Variants in ATP6V1H observed in about 807,000 individuals in gnomAD.
The protein encoded by ATP6V1H is ATPase H+ transporting V1 subunit H.
ATP6V1H carries 39 observed loss-of-function variants against 71.7 expected under a neutral mutation model. The ratio of observed to expected loss-of-function variants is 0.54; its 90% CI spans 0.42 to 0.71. The LOEUF (loss-of-function observed/expected upper bound fraction) is 0.71, where lower values mean the gene tolerates loss of function less well. Among genes scored for constraint, ATP6V1H ranks in the 30% least tolerant of loss-of-function variants. The probability of loss-of-function intolerance (pLI) is 0.00; values close to 1 mark genes in which losing one functional copy is unlikely to be tolerated. For synonymous variants in ATP6V1H, 192 were observed against 199.3 expected, an observed-to-expected ratio of 0.96 and a Z score of 0.31; for missense variants, 509 against 594.9, an observed-to-expected ratio of 0.86 and a Z score of 1.50.
chr8:53,819,580 AT>A lies in ATP6V1H; in HGVS notation c.307-2051del, dbSNP rs1394831692. On this transcript the variant is annotated intron_variant, in intron 4 of 13. Coordinates refer to ENST00000359530, the MANE Select transcript of ATP6V1H (RefSeq NM_015941.4). ...TATATATATATATATATATATATAT[AT>A]ATATAAAATACACACACATACACAC... Among the ~76,000 whole-genome samples, 259 of 126,914 alleles carry A rather than the reference AT, an allele frequency of 2.0e-3. 26 individuals carry two copies. Among genetic ancestry groups the A allele is most frequent in the East Asian group, 3.7e-3 (16 of 4,322 alleles). The allele number at this position is 126,914 out of a possible 152,430, so 83.3% of individuals were successfully genotyped here.
chr8:53,819,820 A>G (rs936088285), intron 4 of ATP6V1H, among the ~76,000 whole-genome samples: 3 of 146,674 alleles, frequency 2.0e-5, no homozygotes, highest in Middle Eastern at 3.6e-3. Context: ...GTGTGTGTGT[A>G]TATATATACA....
intron 9 of ATP6V1H, among the ~76,000 whole-genome samples, chr8:53,790,409 C>G (rs1237265393): frequency 6.6e-6 from 1 of 152,118 alleles, no homozygotes; most frequent in African/African-American, 2.4e-5. Context: ...GCCCTGGTGC[C>G]AACAACCACC....
chr8:53,814,741 G>T lies in ATP6V1H; in HGVS notation c.446C>A (p.Ala149Glu), dbSNP rs373886277. 1.9e-6 allele frequency: 3 copies of T among 1,611,334 alleles called. No individual in the cohort carries two copies. Among genetic ancestry groups the T allele is most frequent in the Non-Finnish European group, 2.5e-6 (3 of 1,178,704 alleles). Reference protein sequence around the residue: ...HMAARIIAKLAAWGKELMEGS... With the variant: ...HMAARIIAKLEAWGKELMEGS... ...TTCCATCAGTTCTTTTCCCCAAGCT[G>T]CTAACTTGGCAATAATTCTTGCTGC... The change falls in exon 6 of 14, where the codon GCA (alanine) becomes GAA (glutamate). Residue 149 changes from alanine (A) to glutamate (E), a missense_variant. By Grantham distance (107) the Ala-to-Glu change is moderately radical. This residue lies in a region of ATP6V1H where 297 missense variants were observed against 303.3 expected (regional missense o/e 0.98). Transcript: ENST00000359530.
intron 8 of ATP6V1H, among the ~76,000 whole-genome samples, chr8:53,801,570 T>C (rs1405620450): frequency 5.3e-5 from 8 of 152,168 alleles, no homozygotes; most frequent in Admixed American, 5.2e-4. Context: ...ATCTGTCTTG[T>C]TAAGCATTAG....
At chr8:53,813,482 A>G (rs938878571) in intron 6 of ATP6V1H, among the ~76,000 whole-genome samples, 1 of 152,154 alleles carries the variant, frequency 6.6e-6, no homozygotes, top group African/African-American at 2.4e-5. Flanking sequence ...TAACAACCTA[A>G]TAATATTGTT....
intron 13 of ATP6V1H, among the ~76,000 whole-genome samples, chr8:53,742,855 A>T (rs1162713222): frequency 6.6e-6 from 1 of 152,208 alleles, no homozygotes; most frequent in Admixed American, 6.5e-5. Context: ...TAACAAAAAA[A>T]CAGAGCATCC....
At chr8:53,788,280 T>C (rs113309779) in intron 9 of ATP6V1H, among the ~76,000 whole-genome samples, 1,676 of 152,322 alleles carry the variant, frequency 0.011, 20 homozygotes, top group Non-Finnish European at 0.019. Flanking sequence ...CTATTTTAAA[T>C]ATTCTGAAAC....
intron 7 of ATP6V1H, among the ~76,000 whole-genome samples, chr8:53,802,816 T>C (rs1809955793): frequency 6.6e-6 from 1 of 152,176 alleles, no homozygotes. Context: ...TAAAAACCCA[T>C]ATGGCATATA....
chr8:53,716,784 C>T lies in ATP6V1H; in HGVS notation c.1392-760G>A, dbSNP rs183841665. 1.3e-3 allele frequency among the ~76,000 whole-genome samples: 198 copies of T among 152,346 alleles called. 3 individuals are homozygous for T. The highest frequency in any genetic ancestry group is 4.4e-5 in the Non-Finnish European group (3 of 68,040). On this transcript the variant is annotated intron_variant, in intron 13 of 13. Transcript: ENST00000359530. ...TATTTAGCTCTAAAGTACATACAGA[C>T]ACCACTGTGAATTCCAGGACAGAAA...
chr8:53,842,635 G>C (rs1012524692), intron 1 of ATP6V1H: 2 of 152,182 alleles, frequency 1.3e-5, no homozygotes, highest in African/African-American at 2.4e-5. Context: ...GCTTCAACTG[G>C]GCCAGGCTGG....
intron 9 of ATP6V1H, among the ~76,000 whole-genome samples, chr8:53,782,288 A>T (rs1299257333): frequency 3.3e-5 from 5 of 151,740 alleles, no homozygotes; most frequent in African/African-American, 4.9e-5. Context: ...TAGGTATTTT[A>T]TTCTCTTTGA....
chr8:53,716,795 A>T (rs1308021627), intron 13 of ATP6V1H, among the ~76,000 whole-genome samples: 2 of 152,256 alleles, frequency 1.3e-5, no homozygotes, highest in Non-Finnish European at 1.5e-5. Flanking sequence ...ACCACTGTGA[A>T]TTCCAGGACA....
intron 11 of ATP6V1H, among the ~76,000 whole-genome samples, chr8:53,764,812 A>T (rs1055773822): frequency 5.3e-5 from 8 of 152,182 alleles, no homozygotes; most frequent in African/African-American, 1.9e-4. Flanking sequence ...AAAACACAGC[A>T]CTAGGCCAAG....
chr8:53,769,316 G>A (rs1426537681), intron 11 of ATP6V1H, among the ~76,000 whole-genome samples: 1 of 152,012 alleles, frequency 6.6e-6, no homozygotes, highest in Admixed American at 6.6e-5. Context: ...AAGTAAAATG[G>A]CATGCAACAG....
In ATP6V1H at chr8:53,753,198, G is replaced by C. The variant is rs191946252; in HGVS notation, c.1277+3357C>G. 2.6e-3 allele frequency among the ~76,000 whole-genome samples: 396 copies of C among 152,050 alleles called. 6 individuals are homozygous for C. The highest frequency in any genetic ancestry group is 9.1e-3 in the African/African-American group (379 of 41,456). ...GCTTGCACAGAAAGTAAGTTATGCT[G>C]GTGAGAGGCTTCAGAATAAAGAATG... On this transcript the variant is annotated intron_variant, in intron 12 of 13. Coordinates refer to ENST00000359530, the MANE Select transcript of ATP6V1H (RefSeq NM_015941.4).
chr8:53,741,894 A>G (rs2130179094), intron 13 of ATP6V1H, among the ~76,000 whole-genome samples: 1 of 152,338 alleles, frequency 6.6e-6, no homozygotes, highest in South Asian at 2.1e-4. Context: ...ATCTAGGCCA[A>G]GCCACCAACT....
chr8:53,793,737 G>A (rs940784809), intron 9 of ATP6V1H, among the ~76,000 whole-genome samples: 1 of 151,976 alleles, frequency 6.6e-6, no homozygotes, highest in Non-Finnish European at 1.5e-5. Context: ...TCAGGAGTTC[G>A]AGACCAGCCT....
At chr8:53,790,432 CT>C (rs1372327538) in intron 9 of ATP6V1H, among the ~76,000 whole-genome samples, 2 of 152,152 alleles carry the variant, frequency 1.3e-5, no homozygotes, top group Non-Finnish European at 2.9e-5. Flanking sequence ...ACGACCAGCC[CT>C]TTATACAGTC....
chr8:53,778,642 C>T (rs1808979711), intron 9 of ATP6V1H, among the ~76,000 whole-genome samples: 1 of 151,786 alleles, frequency 6.6e-6, no homozygotes, highest in South Asian at 2.1e-4. Context: ...CAAGAGAAAG[C>T]AAAAATGGAA....
Sources: gnomAD v4.1 joint callset for allele counts (sites outside exome capture counted in the v4.1 genomes callset) on GRCh38, gnomAD v4.1.1 for gene constraint, gnomAD v4.1.1 regional missense constraint, MANE v1.5 for transcripts, NCBI Gene and HGNC (gene_info 2026-07-23, HGNC 2026-07-21) for gene names.